Variants in FGD5 observed in about 807,000 individuals in gnomAD.
FGD5 encodes FYVE, RhoGEF and PH domain containing 5.
FGD5 carries 28 observed loss-of-function variants against 133.4 expected under a neutral mutation model. That is an observed-to-expected ratio of 0.21 (90% CI 0.16 to 0.29). The LOEUF is 0.29. Ranked by LOEUF, FGD5 falls within the 10% of genes least tolerant of loss-of-function variation. FGD5 has a pLI of 1.00. For missense variants in FGD5, 1,858 were observed against 1,895.2 expected, an observed-to-expected ratio of 0.98 and a Z score of 0.36; for synonymous variants, 810 against 776.5, an observed-to-expected ratio of 1.04 and a Z score of -0.72.
rs578039128 is a variant in FGD5 at position 14,922,756 on chromosome 3, C to T, written c.3807+208C>T. On this transcript the variant is annotated intron_variant, in intron 15 of 19. Coordinates refer to ENST00000285046, the MANE Select transcript of FGD5 (RefSeq NM_152536.4). The surrounding 1 kb of genome is among the most constrained non-coding windows in gnomAD (Gnocchi z 4.1). ...CTCCAAGTCCCAGGCCTCTTCCACA[C>T]CACCACGTTTTCAACAGAAAACCGT... Among the ~76,000 whole-genome samples, 9 of 152,314 alleles carry T rather than the reference C, an allele frequency of 5.9e-5. No individual in the cohort carries two copies. The highest frequency in any genetic ancestry group is 2.2e-4 in the African/African-American group (9 of 41,574).
intron 1 of FGD5, among the ~76,000 whole-genome samples, chr3:14,835,305 T>C (rs149551727): frequency 0.016 from 2,364 of 152,036 alleles, 66 homozygotes; most frequent in African/African-American, 0.053. Context: ...TGAGACCAGC[T>C]GGGCCAACAT....
At chr3:14,815,915 C>T (rs1487978684), upstream of FGD5, among the ~76,000 whole-genome samples, 5 of 152,240 alleles carry the variant, frequency 3.3e-5, no homozygotes, top group African/African-American at 1.2e-4. Context: ...CCTTAGTTTC[C>T]TCCTCCTTCA....
At chr3:14,859,095 T>C (rs1044555040) in intron 1 of FGD5, among the ~76,000 whole-genome samples, 2 of 152,250 alleles carry the variant, frequency 1.3e-5, no homozygotes, top group African/African-American at 4.8e-5. Context: ...AAGACATTTC[T>C]AGACCTTTAA....
At chr3:14,812,001 GGTGTGTGTGTGT>G (rs10644004) in intron 1 of FGD5, among the ~76,000 whole-genome samples, 3 of 145,664 alleles carry the variant, frequency 2.1e-5, no homozygotes, top group African/African-American at 5.0e-5. Context: ...ATATCCTGCT[GGTGTGTGTGTGT>G]GTGTGTGTGT....
intron 1 of FGD5, among the ~76,000 whole-genome samples, chr3:14,843,257 G>A (rs139230858): frequency 1.2e-4 from 18 of 152,238 alleles, no homozygotes; most frequent in Non-Finnish European, 2.1e-4. Context: ...TATAGTGAAC[G>A]GAATTGCACT....
intron 1 of FGD5, among the ~76,000 whole-genome samples, chr3:14,842,748 C>G (rs1424016547): frequency 6.6e-6 from 1 of 152,228 alleles, no homozygotes; most frequent in Non-Finnish European, 1.5e-5. Flanking sequence ...TTTCCTGTTG[C>G]AATTCCTGCT....
chr3:14,844,086 A>G (rs546915914), intron 1 of FGD5, among the ~76,000 whole-genome samples: 8 of 149,952 alleles, frequency 5.3e-5, no homozygotes, highest in Non-Finnish European at 8.9e-5. Flanking sequence ...AAGTGAAGAA[A>G]CTGAGGCTGA....
chr3:14,898,962 A>T, intron 7 of FGD5, 136 bp downstream of exon 7: 1 of 741,904 alleles, frequency 1.3e-6, no homozygotes, highest in Non-Finnish European at 2.2e-6. Flanking sequence ...CTCTGCCATC[A>T]CCTTTCCCTC....
upstream of FGD5, chr3:14,818,815 C>T: frequency 1.2e-6 from 1 of 864,710 alleles, no homozygotes; most frequent in Non-Finnish European, 1.6e-6. Context: ...GGGCATAAGC[C>T]TAAGACAAAG....
chr3:14,878,420 ATTT>A (rs887810131), intron 2 of FGD5, among the ~76,000 whole-genome samples: 1 of 151,598 alleles, frequency 6.6e-6, no homozygotes, highest in Non-Finnish European at 1.5e-5. Context: ...GATTCTATAA[ATTT>A]TTTTTTCTTC....
intron 2 of FGD5, among the ~76,000 whole-genome samples, chr3:14,873,485 C>G (rs749684704): frequency 2.0e-5 from 3 of 152,132 alleles, no homozygotes; most frequent in Non-Finnish European, 4.4e-5. Flanking sequence ...GGCATAGAAT[C>G]CAGCCATTAG....
At chr3:14,818,226 T>C (rs2036407873), upstream of FGD5, among the ~76,000 whole-genome samples, 5 of 152,188 alleles carry the variant, frequency 3.3e-5, no homozygotes, top group Admixed American at 3.3e-4. Flanking sequence ...ATATAATTTC[T>C]CCCATGAAAT....
At chr3:14,899,722 G>T (rs2038201183) in intron 7 of FGD5, among the ~76,000 whole-genome samples, 1 of 152,194 alleles carries the variant, frequency 6.6e-6, no homozygotes, top group African/African-American at 2.4e-5. Context: ...AAGCAAATAA[G>T]AAAGCCAAAA....
chr3:14,872,801 C>T (rs1247047631), intron 2 of FGD5, among the ~76,000 whole-genome samples: 1 of 152,218 alleles, frequency 6.6e-6, no homozygotes, highest in Non-Finnish European at 1.5e-5. Context: ...TCATAGAAAT[C>T]AGTCTCTTGT....
chr3:14,812,712 A>G (rs1240096341), intron 1 of FGD5, among the ~76,000 whole-genome samples: 3 of 152,246 alleles, frequency 2.0e-5, no homozygotes, highest in Non-Finnish European at 4.4e-5. Context: ...GAACCATCAT[A>G]TGCTTAGTTA....
chr3:14,926,070 G>A lies in FGD5; in HGVS notation c.4069G>A (p.Val1357Met), dbSNP rs1283123280. The A allele has an allele frequency of 6.2e-7, 1 of 1,613,588 alleles. No individual in the cohort carries two copies. Among genetic ancestry groups the A allele is most frequent in the South Asian group, 1.1e-5 (1 of 91,062 alleles). ...GACCGCTCTGCTTCCCTCCTGCCAGGTGGCTGCCTCTGGAGAGGGCTCTGC... is the reference window on the plus strand; with the variant it reads ...GACCGCTCTGCTTCCCTCCTGCCAGATGGCTGCCTCTGGAGAGGGCTCTGC... ...QKKVPSALTE[V>M]AASGEGSAIS... The change falls in exon 18 of 20, where the codon GTG becomes ATG. Residue 1357 changes from valine (V) to methionine (M), a missense_variant and splice_region_variant. Physicochemically the swap from Val to Met is conservative, Grantham distance 21 (BLOSUM62 1). This residue lies in a region of FGD5 where 1,824 missense variants were observed against 1,848.9 expected (regional missense o/e 0.99). Transcript: ENST00000285046.
At chr3:14,859,393 T>C (rs9842231) in intron 1 of FGD5, among the ~76,000 whole-genome samples, 38,036 of 151,680 alleles carry the variant, frequency 0.25, 5,510 homozygotes, top group East Asian at 0.7. Context: ...CCTGTCTCTA[T>C]TAAAAAATAC....
intron 2 of FGD5, among the ~76,000 whole-genome samples, chr3:14,873,150 G>A (rs1602299): frequency 0.14 from 21,892 of 152,168 alleles, 1,901 homozygotes; most frequent in East Asian, 0.39. Context: ...GGGAAGGAGT[G>A]TAATGATGTG....
chr3:14,891,067 C>G (rs1310778012), intron 4 of FGD5, among the ~76,000 whole-genome samples: 2 of 152,206 alleles, frequency 1.3e-5, no homozygotes, highest in Admixed American at 6.5e-5. Context: ...AGACAATGCC[C>G]ACACAAGAGA....
Sources: allele counts gnomAD v4.1 joint callset (sites outside exome capture counted in the v4.1 genomes callset), GRCh38; gene constraint gnomAD v4.1.1; regional missense constraint gnomAD v4.1.1; non-coding constraint Gnocchi (gnomAD v3.1); transcripts MANE v1.5; gene names NCBI Gene and HGNC (gene_info 2026-07-23, HGNC 2026-07-21).